The following BTD variants were observed in gnomAD, a reference collection of about 807,000 sequenced individuals.
The protein encoded by BTD is biocytinase.
A neutral mutation model predicts 17.7 loss-of-function variants in BTD; 13 were observed. That is an observed-to-expected ratio of 0.74 (90% confidence interval 0.48 to 1.17). The LOEUF (loss-of-function observed/expected upper bound fraction) is 1.17. Among genes scored for constraint, BTD ranks in the 50% most tolerant of loss-of-function variants. The pLI, the probability that BTD is intolerant of heterozygous loss-of-function variation, is 0.00. For missense variants in BTD, 674 were observed against 650.4 expected (o/e 1.04, Z -0.39); for synonymous variants, 240 against 245.2 (o/e 0.98, Z 0.20).
rs2064252054 is a variant in BTD, at chr3:15,601,803, T to C, written c.-108T>C. 1 of 1,614,094 alleles carries C rather than the reference T, an allele frequency of 6.2e-7. No homozygotes were observed. The highest frequency in any genetic ancestry group is 8.5e-7 in the Non-Finnish European group (1 of 1,180,008). On this transcript the variant is annotated 5_prime_UTR_variant, in exon 1 of 4. Coordinates refer to ENST00000643237, the MANE Select transcript of BTD (RefSeq NM_001370658.1). ...GCCGAACTCTGAGGCCTCTCGCCAT[T>C]GTCTCCGAGTCGGCCAGCTGGAGCG...
At chr3:15,657,889 C>T (rs979383797), downstream of BTD, among the ~76,000 whole-genome samples, 28 of 151,840 alleles carry the variant, frequency 1.8e-4, no homozygotes, top group East Asian at 1.9e-4. Context: ...TGGAGGGGGC[C>T]GGGCGTGGTG....
chr3:15,714,715 T>G, downstream of BTD: 1 of 1,232,300 alleles, frequency 8.1e-7, no homozygotes, highest in Non-Finnish European at 1.1e-6. Context: ...TAAACCTTAG[T>G]TTTACTTTGA....
chr3:15,703,455 C>A (rs1300940770), intron 3 of BTD, among the ~76,000 whole-genome samples: 1 of 152,204 alleles, frequency 6.6e-6, no homozygotes, highest in Non-Finnish European at 1.5e-5. Context: ...AGCCCTCCCT[C>A]ATGAATGGGA....
chr3:15,630,374 G>A (rs2065176660), intron 1 of BTD, among the ~76,000 whole-genome samples: 1 of 152,078 alleles, frequency 6.6e-6, no homozygotes, highest in Admixed American at 6.6e-5. Context: ...TCTCAGCCGG[G>A]GTTCCTTCTG....
chr3:15,680,372 T>C (rs116411745), intron 3 of BTD, among the ~76,000 whole-genome samples: 263 of 151,940 alleles, frequency 1.7e-3, no homozygotes, highest in African/African-American at 5.9e-3. Flanking sequence ...CCCAGCTAGC[T>C]TTTTTCGTAT....
At chr3:15,700,435 C>T (rs2070392380) in intron 3 of BTD, among the ~76,000 whole-genome samples, 1 of 151,276 alleles carries the variant, frequency 6.6e-6, no homozygotes, top group African/African-American at 2.4e-5. Context: ...GCACATGTAC[C>T]CTAGAACTTA....
At chr3:15,604,901 C>T (rs2064397568) in intron 1 of BTD, among the ~76,000 whole-genome samples, 1 of 152,168 alleles carries the variant, frequency 6.6e-6, no homozygotes, top group African/African-American at 2.4e-5. Flanking sequence ...TTGGTCAAAG[C>T]CATTCAATAA....
chr3:15,670,572 A>C, intron 3 of BTD: 1 of 1,601,708 alleles, frequency 6.2e-7, no homozygotes, highest in South Asian at 1.1e-5. Flanking sequence ...ATTAAAGATA[A>C]AATTTAAAAA....
intron 3 of BTD, chr3:15,676,187 T>C: frequency 2.5e-6 from 1 of 403,688 alleles, no homozygotes; most frequent in Non-Finnish European, 4.4e-6. Flanking sequence ...CTTGTCAACG[T>C]GTAGCTCGGC....
At chr3:15,608,493 T>C (rs1328594421) in intron 1 of BTD, among the ~76,000 whole-genome samples, 2 of 152,068 alleles carry the variant, frequency 1.3e-5, no homozygotes, top group Non-Finnish European at 2.9e-5. Flanking sequence ...TATAGGTCAG[T>C]GCGGTGGCTC....
chr3:15,721,457 CT>C (rs2073718385), intron 4 of BTD, among the ~76,000 whole-genome samples: 1 of 152,096 alleles, frequency 6.6e-6, no homozygotes, highest in African/African-American at 2.4e-5. Context: ...AAAGGATTTA[CT>C]ATAGAATTAA....
chr3:15,702,169 TG>T (rs2070722934), intron 3 of BTD, among the ~76,000 whole-genome samples: 1 of 152,254 alleles, frequency 6.6e-6, no homozygotes, highest in Admixed American at 6.5e-5. Flanking sequence ...CAAATCCTTT[TG>T]GCTAGAATAT....
chr3:15,641,486 A>G (rs1350868836), intron 2 of BTD, among the ~76,000 whole-genome samples: 1 of 152,164 alleles, frequency 6.6e-6, no homozygotes, highest in Non-Finnish European at 1.5e-5. Flanking sequence ...GAAGTTGACA[A>G]CCACCAGACT....
intron 1 of BTD, among the ~76,000 whole-genome samples, chr3:15,617,996 T>A (rs1574987025): frequency 6.6e-6 from 1 of 152,312 alleles, no homozygotes. Context: ...CGCTCTGTCA[T>A]CCAGGCTGGA....
At chr3:15,714,740 C>A, downstream of BTD, 2 of 880,048 alleles carry the variant, frequency 2.3e-6, no homozygotes, top group South Asian at 2.7e-5. Context: ...CCTCTTGCAT[C>A]TTTATTTTTA....
chr3:15,602,155 G>T, intron 1 of BTD: 2 of 1,411,252 alleles, frequency 1.4e-6, no homozygotes, highest in Non-Finnish European at 1.8e-6. Flanking sequence ...TTATTGTAGC[G>T]CACGTTACTT....
chr3:15,639,872 G>A (rs1197663483), intron 2 of BTD, among the ~76,000 whole-genome samples: 1 of 152,118 alleles, frequency 6.6e-6, no homozygotes, highest in Non-Finnish European at 1.5e-5. Flanking sequence ...CATTTTGGGG[G>A]TCCAAAGCGG....
chr3:15,663,935 CTT>C (rs1242019295), intron 3 of BTD, among the ~76,000 whole-genome samples: 2 of 152,178 alleles, frequency 1.3e-5, no homozygotes, highest in South Asian at 2.1e-4. Context: ...GAGTTTCACT[CTT>C]GTTGCCCAGG....
At chr3:15,695,191 A>G in intron 3 of BTD, 1 of 1,595,550 alleles carries the variant, frequency 6.3e-7, no homozygotes, top group Non-Finnish European at 8.6e-7. Context: ...TACTTACAAC[A>G]TCTAGAGGAG....
Sources: gnomAD v4.1 joint callset for allele counts (sites outside exome capture counted in the v4.1 genomes callset) on GRCh38, gnomAD v4.1.1 for gene constraint, MANE v1.5 for transcripts, NCBI Gene and HGNC (gene_info 2026-07-23, HGNC 2026-07-21) for gene names.